SPOCK1: variants seen among roughly 807,000 people sequenced by gnomAD.
The protein encoded by SPOCK1 is testican-1.
Under a neutral mutation model 55.3 loss-of-function variants are expected in SPOCK1, and 23 were observed. The observed-to-expected ratio is 0.42, with a 90% CI of 0.30 to 0.59. SPOCK1 has a LOEUF of 0.59. Ranked by LOEUF, SPOCK1 falls within the 20% of genes least tolerant of loss-of-function variation. SPOCK1 has a pLI of 0.22. For synonymous variants in SPOCK1, 226 were observed against 221.0 expected (o/e 1.02, Z -0.20); for missense variants, 499 against 552.5 (o/e 0.90, Z 0.97).
chr5:136,993,193 C>CCAT (rs1750980029), intron 6 of SPOCK1: 1 of 152,140 alleles, frequency 6.6e-6, no homozygotes, highest in African/African-American at 2.4e-5. Flanking sequence ...TCCTTTCAGC[C>CCAT]CATCTATAAC....
intron 6 of SPOCK1, among the ~76,000 whole-genome samples, chr5:137,024,254 G>A (rs1460735414): frequency 1.4e-5 from 2 of 145,188 alleles, no homozygotes; most frequent in African/African-American, 5.1e-5. Context: ...TTAAAATTAT[G>A]TTCGGCTGCT....
intron 3 of SPOCK1, among the ~76,000 whole-genome samples, chr5:137,200,145 C>A (rs897060854): frequency 5.9e-5 from 9 of 152,178 alleles, no homozygotes; most frequent in African/African-American, 2.2e-4. Flanking sequence ...CCCATGGCTT[C>A]TCTGTTTTCA....
intron 4 of SPOCK1, among the ~76,000 whole-genome samples, chr5:137,138,530 A>AC (rs34648728): frequency 1.3e-4 from 16 of 125,432 alleles, no homozygotes; most frequent in African/African-American, 2.1e-4. Context: ...CACACACACC[A>AC]CACACACATG....
At chr5:136,979,283 C>T (rs777569377) in intron 10 of SPOCK1, 49 bp downstream of exon 10, 5 of 1,610,892 alleles carry the variant, frequency 3.1e-6, no homozygotes, top group Non-Finnish European at 4.2e-6. Context: ...AGTGAGGAAC[C>T]ACAGGCCACC....
At position 137,315,484 on chromosome 5, in the gene SPOCK1, G is replaced by A. The variant is rs1459116960; in HGVS notation, c.187-48429C>T. Among the ~76,000 whole-genome samples, 4 of 152,308 alleles carry A rather than the reference G, an allele frequency of 2.6e-5. No individual in the cohort carries two copies. The East Asian group carries it at 7.7e-4, about 29-fold the overall frequency. ...CCATCTCCACTTTGATACATGAGAA[G>A]CAGTAGCTAGGAGCAACTGAGCACT... On this transcript the variant is annotated intron_variant, in intron 2 of 10. Coordinates refer to ENST00000394945, the MANE Select transcript of SPOCK1 (RefSeq NM_004598.4).
rs1750881789 is a variant in SPOCK1 at position 136,988,361 on chromosome 5, C to T, written c.928+61G>A. 4 of 1,383,032 alleles carry T rather than the reference C, an allele frequency of 2.9e-6. No individual in the cohort carries two copies. The South Asian group carries it at 3.6e-5, about 12-fold the overall frequency. The allele number at this position is 1,383,032 out of a possible 1,614,324, so 85.7% of individuals were successfully genotyped here. A position where few individuals can be genotyped will look rare whatever the true frequency, so the allele number is the denominator to read the frequency against. On this transcript the variant is annotated intron_variant, in intron 8 of 10. Coordinates refer to ENST00000394945, the MANE Select transcript of SPOCK1 (RefSeq NM_004598.4). Reference sequence around the variant, plus strand: ...TGCCCAATTCATAGTCATACGCAGTCCTCCTCTGCTCCAGCAAGGCTGCCC... The same window carrying T: ...TGCCCAATTCATAGTCATACGCAGTTCTCCTCTGCTCCAGCAAGGCTGCCC...
intron 2 of SPOCK1, among the ~76,000 whole-genome samples, chr5:137,318,249 G>A (rs538465255): frequency 5.9e-5 from 9 of 152,206 alleles, no homozygotes; most frequent in East Asian, 3.9e-4. Context: ...AAAGTGCTGC[G>A]CAGTGGCTGA....
chr5:137,224,023 A>T (rs142931362), intron 3 of SPOCK1, among the ~76,000 whole-genome samples: 122 of 152,312 alleles, frequency 8.0e-4, no homozygotes, highest in African/African-American at 2.9e-3. Flanking sequence ...TGCCAGAGAG[A>T]TTCCAATTTC....
chr5:137,013,693 C>G (rs2126975993), intron 6 of SPOCK1, among the ~76,000 whole-genome samples: 1 of 152,280 alleles, frequency 6.6e-6, no homozygotes, highest in African/African-American at 2.4e-5. Flanking sequence ...TAAATACTTT[C>G]AGAATTTAAC....
chr5:137,428,518 G>A (rs1752680949), intron 2 of SPOCK1, among the ~76,000 whole-genome samples: 1 of 152,148 alleles, frequency 6.6e-6, no homozygotes. Context: ...TCCTTTCACT[G>A]TTTGTGTCAA....
chr5:137,225,701 G>C (rs1189319095), intron 3 of SPOCK1, among the ~76,000 whole-genome samples: 1 of 152,158 alleles, frequency 6.6e-6, no homozygotes, highest in African/African-American at 2.4e-5. Flanking sequence ...CAGGTTTCTG[G>C]CTCTATCATC....
intron 3 of SPOCK1, among the ~76,000 whole-genome samples, chr5:137,205,703 C>T (rs926841130): frequency 4.6e-5 from 7 of 152,210 alleles, no homozygotes; most frequent in Non-Finnish European, 1.0e-4. Context: ...GGTCAAACAA[C>T]ATTTCTTACT....
At chr5:137,396,846 A>G (rs1751859121) in intron 2 of SPOCK1, among the ~76,000 whole-genome samples, 1 of 152,142 alleles carries the variant, frequency 6.6e-6, no homozygotes, top group South Asian at 2.1e-4. Context: ...GGCTGAACCA[A>G]TTCACTGCCA....
At chr5:137,073,477 G>T (rs1294096808) in intron 5 of SPOCK1, among the ~76,000 whole-genome samples, 1 of 152,222 alleles carries the variant, frequency 6.6e-6, no homozygotes, top group African/African-American at 2.4e-5. Context: ...GGAAGCTAGA[G>T]AGGGATGAGG....
chr5:137,032,815 C>T (rs910688177), intron 6 of SPOCK1, among the ~76,000 whole-genome samples: 3 of 152,008 alleles, frequency 2.0e-5, no homozygotes, highest in African/African-American at 2.4e-5. Context: ...ATGGTGGTAA[C>T]GAGGTGTTCA....
chr5:137,322,597 T>G (rs1043413209), intron 2 of SPOCK1, among the ~76,000 whole-genome samples: 1 of 152,014 alleles, frequency 6.6e-6, no homozygotes, highest in East Asian at 1.9e-4. Flanking sequence ...GAAGCTAAGC[T>G]GATATCAGCT....
chr5:137,404,550 C>T (rs1752054054), intron 2 of SPOCK1, among the ~76,000 whole-genome samples: 1 of 150,714 alleles, frequency 6.6e-6, no homozygotes, highest in African/African-American at 2.4e-5. Context: ...GCTCGGATTA[C>T]AGGCCCTGCC....
At chr5:137,377,881 G>C (rs1018794163) in intron 2 of SPOCK1, among the ~76,000 whole-genome samples, 4 of 151,072 alleles carry the variant, frequency 2.6e-5, no homozygotes, top group Admixed American at 2.6e-4. Context: ...AAAGAAATCA[G>C]GCAAGCCTAA....
At chr5:137,422,236 C>A (rs1258912590) in intron 2 of SPOCK1, among the ~76,000 whole-genome samples, 1 of 152,206 alleles carries the variant, frequency 6.6e-6, no homozygotes, top group Non-Finnish European at 1.5e-5. Context: ...TTCATTTCAA[C>A]TTTGGTGAAT....
Sources: allele counts gnomAD v4.1 joint callset (sites outside exome capture counted in the v4.1 genomes callset), GRCh38; gene constraint gnomAD v4.1.1; transcripts MANE v1.5; gene names NCBI Gene and HGNC (gene_info 2026-07-23, HGNC 2026-07-21).